The following SART3 variants were observed in gnomAD, a reference collection of about 807,000 sequenced individuals.
The protein encoded by SART3 is spliceosome associated factor 3, U4/U6 recycling protein, also known as HIV-1 Tat-interacting protein of 110kDa.
SART3 carries 44 observed loss-of-function variants against 122.3 expected under a neutral mutation model. The observed-to-expected ratio is 0.36, with a 90% CI of 0.28 to 0.46. SART3 has a LOEUF of 0.46. Ranked by LOEUF, SART3 falls within the 20% of genes least tolerant of loss-of-function variation. The probability of loss-of-function intolerance (pLI) is 1.00; values close to 1 mark genes in which losing one functional copy is unlikely to be tolerated. For synonymous variants in SART3, 442 were observed against 454.0 expected (o/e 0.97, Z 0.34); for missense variants, 1,101 against 1,229.0 (o/e 0.90, Z 1.56).
intron 1 of SART3, chr12:108,560,486 T>C: frequency 2.6e-6 from 1 of 389,222 alleles, no homozygotes; most frequent in Admixed American, 4.5e-5. Flanking sequence ...TTTCTACTGT[T>C]GGACGTGTGG....
intron 1 of SART3, chr12:108,560,478 T>C (rs1206526466): frequency 5.2e-6 from 2 of 382,818 alleles, no homozygotes; most frequent in Non-Finnish European, 9.2e-6. Context: ...TGAGTTTATT[T>C]CTACTGTTGG....
rs766776966 is a variant in SART3 at position 108,525,476 on chromosome 12, T to C, written c.2504A>G (p.Asn835Ser). The C allele has an allele frequency of 1.4e-5, 22 of 1,614,084 alleles. No individual in the cohort carries two copies. The East Asian group carries it at 2.2e-4, about 16-fold the overall frequency. Residue 835 changes from asparagine (N) to serine (S), a missense_variant, in exon 17 of 19, where the codon AAC (asparagine) becomes AGC (serine). Asn to Ser is a conservative substitution (Grantham distance 46). This residue lies in a region of SART3 where 885 missense variants were observed against 1,080.1 expected (regional missense o/e 0.82). Coordinates refer to ENST00000546815, the MANE Select transcript of SART3 (RefSeq NM_014706.4). ...GTVKDLRLVT[N>S]RAGKPKGLAY... ...TCTGACCTTTGGTTTGCCAGCCCGG[T>C]TGGTGACCAGCCTGAGGTCCTTCAC...
rs138798002 is a variant in SART3 at position 108,560,053 on chromosome 12, G to A, written c.312+790C>T. ...TATGGGATACTAAACCTTCACTCCC[G>A]ATTTCCCTACCCACACCTTTATTGA... is the stretch of plus-strand genomic sequence containing the variant. On this transcript the variant is annotated intron_variant, in intron 1 of 18. Coordinates refer to ENST00000546815, the MANE Select transcript of SART3 (RefSeq NM_014706.4). 1.7e-3 allele frequency among the ~76,000 whole-genome samples: 266 copies of A among 152,238 alleles called. 2 individuals carry two copies. The highest frequency in any genetic ancestry group is 5.6e-3 in the African/African-American group (234 of 41,520).
At position 108,561,022 on chromosome 12, in the gene SART3, C is replaced by T; in HGVS notation, c.133G>A (p.Ala45Thr). ...GGCCCCATGGTCTTGTATGTCGCAG[C>T]GGCCACAGCCCGCGATAACACCTTC... is the stretch of plus-strand genomic sequence containing the variant. The part of the protein sequence containing the change: ...RRKVLSRAVA[A>T]ATYKTMGPAW... Residue 45 changes from alanine to threonine, a missense_variant, in exon 1 of 19, where the codon GCT becomes ACT. This residue lies in a region of SART3 where 216 missense variants were observed against 148.9 expected (regional missense o/e 1.45). Coordinates refer to ENST00000546815, the MANE Select transcript of SART3 (RefSeq NM_014706.4). 2.5e-6 allele frequency: 4 copies of T among 1,614,174 alleles called. 1 individual carries two copies. Among genetic ancestry groups the T allele is most frequent in the Non-Finnish European group, 2.5e-6 (3 of 1,180,024 alleles).
intron 5 of SART3, 112 bp downstream of exon 5, chr12:108,544,315 C>T (rs923105620): frequency 3.2e-6 from 3 of 941,640 alleles, no homozygotes; most frequent in Non-Finnish European, 5.3e-6. Context: ...AGAGTAAGAA[C>T]ACCAGCTTTA....
intron 1 of SART3, among the ~76,000 whole-genome samples, chr12:108,558,957 C>T (rs1272966079): frequency 7.1e-6 from 1 of 141,348 alleles, no homozygotes; most frequent in Non-Finnish European, 1.5e-5. Context: ...GGCATGAACC[C>T]GGGAGGCGGA....
chr12:108,553,446 G>A (rs2030087353), intron 1 of SART3, among the ~76,000 whole-genome samples: 2 of 152,220 alleles, frequency 1.3e-5, no homozygotes, highest in Non-Finnish European at 1.5e-5. Flanking sequence ...ATAAAAAGGC[G>A]AATTGTTTAA....
chr12:108,551,754 T>C (rs2030019125), intron 1 of SART3, among the ~76,000 whole-genome samples: 1 of 152,124 alleles, frequency 6.6e-6, no homozygotes, highest in African/African-American at 2.4e-5. Flanking sequence ...ATGCAGAGTA[T>C]GTTTTGTGAC....
rs1355936115 is a variant in SART3 at position 108,535,393 on chromosome 12, C to T, written c.1522G>A (p.Ala508Thr). 6.2e-7 allele frequency: 1 copy of T among 1,613,996 alleles called. No homozygotes were observed. Among genetic ancestry groups the T allele is most frequent in the Non-Finnish European group, 8.5e-7 (1 of 1,179,928 alleles). ...TTGTAATACTCTAGCCACATGTTGG[C>T]GTACTTGGCATTTCCTCTGGTCATG... ...SIMTRGNAKY[A>T]NMWLEYYNLE... Residue 508 changes from alanine to threonine, a missense_variant, in exon 12 of 19, where the codon GCC becomes ACC. Ala to Thr is a moderately conservative substitution (Grantham distance 58). Transcript: ENST00000546815.
In SART3 at chr12:108,536,794, A is replaced by T; in HGVS notation, c.1310-9T>A. ...CAGCTCTTTACTGGAGTCTAACGGA[A>T]AGTGCAAAAAAAGGCTTTAGGAAAC... On this transcript the variant is annotated splice_polypyrimidine_tract_variant and intron_variant, in intron 9 of 18. Coordinates refer to ENST00000546815, the MANE Select transcript of SART3 (RefSeq NM_014706.4). The T allele has an allele frequency of 6.2e-7, 1 of 1,613,392 alleles. No individual in the cohort carries two copies. Among genetic ancestry groups the T allele is most frequent in the Non-Finnish European group, 8.5e-7 (1 of 1,179,628 alleles).
intron 13 of SART3, 53 bp downstream of exon 13, chr12:108,532,169 A>T (rs1242864845): frequency 1.1e-5 from 16 of 1,509,462 alleles, no homozygotes; most frequent in Admixed American, 1.7e-5. Flanking sequence ...CCTACTTGAG[A>T]CCAAACAGCA....
intron 11 of SART3, among the ~76,000 whole-genome samples, chr12:108,535,837 T>C (rs1336518680): frequency 2.0e-5 from 3 of 151,648 alleles, no homozygotes; most frequent in Non-Finnish European, 2.9e-5. Flanking sequence ...CTGCTACTAA[T>C]ACTTACAAAC....
chr12:108,529,697 C>T (rs1377119719), intron 15 of SART3, among the ~76,000 whole-genome samples: 7 of 152,044 alleles, frequency 4.6e-5, no homozygotes, highest in African/African-American at 9.7e-5. Flanking sequence ...TATTCCTGCC[C>T]GAGATGCATG....
rs1202268361 is a variant in SART3 at position 108,550,012 on chromosome 12, T to C, written c.313-798A>G. 4.5e-4 allele frequency among the ~76,000 whole-genome samples: 13 copies of C among 29,082 alleles called. No homozygotes were observed. In the East Asian group the frequency reaches 0.011, roughly 24 times the overall value. 19.1% of individuals were successfully genotyped at this position (29,082 alleles called of 152,430 possible). A position where few individuals can be genotyped will look rare whatever the true frequency, so the allele number is the denominator to read the frequency against. On this transcript the variant is annotated intron_variant, in intron 1 of 18. Transcript: ENST00000546815. Reference sequence around the variant, plus strand: ...CTGGGTGACAGAGCAAGACCCAATCTCAAAAAAAAAAAAAAAAAAAAAAAG... The same window carrying C: ...CTGGGTGACAGAGCAAGACCCAATCCCAAAAAAAAAAAAAAAAAAAAAAAG...
chr12:108,535,598 T>G, intron 11 of SART3, 130 bp from the exon 12 acceptor site: 1 of 794,886 alleles, frequency 1.3e-6, no homozygotes, highest in Non-Finnish European at 2.2e-6. Flanking sequence ...TCCCTGGGCA[T>G]TCCCCAGGCC....
chr12:108,547,471 A>G (rs974125859), intron 3 of SART3, among the ~76,000 whole-genome samples: 1 of 152,230 alleles, frequency 6.6e-6, no homozygotes, highest in African/African-American at 2.4e-5. Flanking sequence ...GGGAGTACAC[A>G]AGACTTCTCT....
rs770851443 is a variant in SART3, at chr12:108,526,484, A to C, written c.1985T>G (p.Val662Gly). The change falls in exon 16 of 19, where the codon GTA (valine) becomes GGA (glycine). Residue 662 changes from valine (V) to glycine (G), a missense_variant. Coordinates refer to ENST00000546815, the MANE Select transcript of SART3 (RefSeq NM_014706.4). ...ACATTTCCCAGCGGGCCCTGCTGCT[A>C]CTTCTACATTTTGTGTTTCTCCAGC... Reference protein sequence around the residue: ...PAAGETQNVEVAAGPAGKCAA... With the variant: ...PAAGETQNVEGAAGPAGKCAA... 6.2e-7 allele frequency: 1 copy of C among 1,614,112 alleles called. No homozygotes were observed. Among genetic ancestry groups the C allele is most frequent in the South Asian group, 1.1e-5 (1 of 91,082 alleles).
chr12:108,529,141 A>C (rs547602515), intron 15 of SART3, among the ~76,000 whole-genome samples: 2 of 152,338 alleles, frequency 1.3e-5, no homozygotes, highest in South Asian at 4.1e-4. Flanking sequence ...ATGAATAAAT[A>C]AATTTTAAAA....
intron 14 of SART3, 111 bp from the exon 15 acceptor site, chr12:108,530,421 G>T: frequency 7.9e-7 from 1 of 1,269,324 alleles, no homozygotes; most frequent in Non-Finnish European, 1.1e-6. Flanking sequence ...GAAAAGCAGA[G>T]ATCAGGAGAA....
Sources: gnomAD v4.1 joint callset for allele counts (sites outside exome capture counted in the v4.1 genomes callset) on GRCh38, gnomAD v4.1.1 for gene constraint, gnomAD v4.1.1 regional missense constraint, MANE v1.5 for transcripts, NCBI Gene and HGNC (gene_info 2026-07-23, HGNC 2026-07-21) for gene names.